MKLN1: variants seen among roughly 807,000 people sequenced by gnomAD.
MKLN1 encodes muskelin.
In MKLN1, 18 loss-of-function variants were observed where a neutral mutation model predicts 99.0. That is an observed-to-expected ratio of 0.18 (90% CI 0.13 to 0.27). The LOEUF is 0.27. Ranked by LOEUF, MKLN1 falls within the 10% of genes least tolerant of loss-of-function variation. The pLI is 1.00. For missense variants in MKLN1, 621 were observed against 875.9 expected, an observed-to-expected ratio of 0.71 and a Z score of 3.67; for synonymous variants, 288 against 293.2, an observed-to-expected ratio of 0.98 and a Z score of 0.18.
chr7:131,285,051 G>A (rs1444036496), intron 3 of MKLN1: 1 of 152,234 alleles, frequency 6.6e-6, no homozygotes, highest in Non-Finnish European at 1.5e-5. Context: ...CAGCCTCCCC[G>A]CTTTTCCAGC....
intron 3 of MKLN1, among the ~76,000 whole-genome samples, chr7:131,282,610 G>T (rs1385852493): frequency 3.3e-5 from 5 of 152,038 alleles, no homozygotes; most frequent in African/African-American, 9.7e-5. Flanking sequence ...GGGTTCGAAG[G>T]CTCACCTCCT....
intron 1 of MKLN1, among the ~76,000 whole-genome samples, chr7:131,341,101 T>G (rs1799394963): frequency 6.6e-6 from 1 of 152,174 alleles, no homozygotes; most frequent in African/African-American, 2.4e-5. Flanking sequence ...TGAGTATCAG[T>G]ATTTTGATTA....
At chr7:131,138,418 T>C (rs1167021895) in intron 1 of MKLN1, among the ~76,000 whole-genome samples, 2 of 152,234 alleles carry the variant, frequency 1.3e-5, no homozygotes, top group Non-Finnish European at 2.9e-5. Flanking sequence ...AAGTGGAAGT[T>C]ACACTGAACC....
intron 2 of MKLN1, among the ~76,000 whole-genome samples, chr7:131,156,461 A>AC (rs1417381100): frequency 6.6e-6 from 1 of 151,148 alleles, no homozygotes; most frequent in Admixed American, 6.6e-5. Flanking sequence ...AAAAAAAAAA[A>AC]AAAAAAAAAG....
chr7:131,325,565 T>C (rs1031934651), upstream of MKLN1, among the ~76,000 whole-genome samples: 13 of 152,018 alleles, frequency 8.6e-5, no homozygotes, highest in African/African-American at 2.9e-4. Flanking sequence ...GGTGTGGTGA[T>C]GTCTGCCTGT....
intron 1 of MKLN1, among the ~76,000 whole-genome samples, chr7:131,114,951 AG>A (rs997498893): frequency 6.6e-6 from 1 of 152,006 alleles, no homozygotes; most frequent in Non-Finnish European, 1.5e-5. Context: ...AAAAAAAAAA[AG>A]CAAAGCAAAG....
At chr7:131,283,049 G>A (rs1451992669) in intron 3 of MKLN1, among the ~76,000 whole-genome samples, 5 of 152,274 alleles carry the variant, frequency 3.3e-5, no homozygotes, top group Middle Eastern at 3.4e-3. Flanking sequence ...CAGCTCCTCC[G>A]TTCATGAACA....
chr7:131,462,029 A>T (rs1203479055), intron 12 of MKLN1, among the ~76,000 whole-genome samples: 1 of 151,944 alleles, frequency 6.6e-6, no homozygotes, highest in Non-Finnish European at 1.5e-5. Context: ...CAGAATTTTT[A>T]TTTATTTATT....
chr7:131,177,888 C>T (rs1170308787), intron 2 of MKLN1, among the ~76,000 whole-genome samples: 2 of 152,102 alleles, frequency 1.3e-5, no homozygotes, highest in African/African-American at 4.8e-5. Flanking sequence ...AAGTCCAGGA[C>T]TGGTATAGTA....
At chr7:131,291,580 TTATA>T (rs34732483) in intron 3 of MKLN1, among the ~76,000 whole-genome samples, 98,938 of 145,022 alleles carry the variant, frequency 0.68, 34,179 homozygotes, top group Admixed American at 0.75. Context: ...CTTTCATTTA[TTATA>T]TATATATATA....
intron 3 of MKLN1, among the ~76,000 whole-genome samples, chr7:131,236,399 G>A (rs890389485): frequency 1.3e-5 from 2 of 152,136 alleles, no homozygotes; most frequent in Non-Finnish European, 1.5e-5. Flanking sequence ...GGTGGCTCAC[G>A]CCTGTAATCT....
chr7:131,130,931 C>G (rs1795539762), intron 1 of MKLN1, among the ~76,000 whole-genome samples: 1 of 151,238 alleles, frequency 6.6e-6, no homozygotes, highest in African/African-American at 2.4e-5. Flanking sequence ...ATGCAAGTAG[C>G]CTCCCAGCTA....
Position 131,470,962 on chromosome 7 carries a change from T to C in MKLN1, c.2031+18T>C. 6.6e-7 allele frequency: 1 copy of C among 1,513,002 alleles called. No homozygotes were observed. The highest frequency in any genetic ancestry group is 9.1e-7 in the Non-Finnish European group (1 of 1,100,346). The allele number at this position is 1,513,002 out of a possible 1,614,324, so 93.7% of individuals were successfully genotyped here. On this transcript the variant is annotated intron_variant, in intron 16 of 17. Coordinates refer to ENST00000352689, the MANE Select transcript of MKLN1 (RefSeq NM_013255.5). ...CAAAAGAGGTAAAGAAAGGTGGTAA[T>C]AAATTTCAGAAATTAAGTATTTTTA...
At chr7:131,243,693 G>A (rs940134447) in intron 3 of MKLN1, among the ~76,000 whole-genome samples, 7 of 152,096 alleles carry the variant, frequency 4.6e-5, no homozygotes, top group Admixed American at 3.3e-4. Context: ...GAAAGAAGAC[G>A]CTTTAGTCAT....
chr7:131,273,506 G>C (rs1797917635), intron 3 of MKLN1, among the ~76,000 whole-genome samples: 1 of 152,182 alleles, frequency 6.6e-6, no homozygotes, highest in Admixed American at 6.5e-5. Context: ...TTGGCATTTG[G>C]GGAGTTTGTT....
chr7:131,340,208 C>T (rs912938686), intron 1 of MKLN1, among the ~76,000 whole-genome samples: 1 of 151,878 alleles, frequency 6.6e-6, no homozygotes, highest in African/African-American at 2.4e-5. Context: ...CACCCATTCC[C>T]CTGGCCTTTA....
chr7:131,198,407 G>A (rs778006724), intron 2 of MKLN1, among the ~76,000 whole-genome samples: 54 of 152,318 alleles, frequency 3.5e-4, no homozygotes, highest in Admixed American at 5.2e-4. Flanking sequence ...TGAGCAAAGC[G>A]TTCCCAAGTT....
chr7:131,314,126 C>T (rs1584908721), intron 3 of MKLN1, among the ~76,000 whole-genome samples: 1 of 152,314 alleles, frequency 6.6e-6, no homozygotes, highest in South Asian at 2.1e-4. Flanking sequence ...AACTTGCCAG[C>T]CATCACATAC....
intron 2 of MKLN1, among the ~76,000 whole-genome samples, chr7:131,380,249 A>T (rs191262018): frequency 1.4e-4 from 21 of 152,186 alleles, no homozygotes; most frequent in African/African-American, 4.6e-4. Flanking sequence ...GGAAGCTGAT[A>T]CCCTAGGCAT....
Sources: gnomAD v4.1 joint callset for allele counts (sites outside exome capture counted in the v4.1 genomes callset) on GRCh38, gnomAD v4.1.1 for gene constraint, MANE v1.5 for transcripts, NCBI Gene and HGNC (gene_info 2026-07-23, HGNC 2026-07-21) for gene names.